ELAVL2: variants seen among roughly 807,000 people sequenced by gnomAD.
ELAVL2 encodes ELAV-like protein 2.
A neutral mutation model predicts 34.6 loss-of-function variants in ELAVL2; 4 were observed. That is an observed-to-expected ratio of 0.12 (90% CI 0.06 to 0.26). The LOEUF is 0.26. Ranked by LOEUF, ELAVL2 falls within the 10% of genes least tolerant of loss-of-function variation. The probability of loss-of-function intolerance (pLI) is 1.00; values close to 1 mark genes in which losing one functional copy is unlikely to be tolerated. For synonymous variants in ELAVL2, 193 were observed against 154.8 expected (o/e 1.25, Z -1.83); for missense variants, 432 against 442.8 (o/e 0.98, Z 0.22).
At chr9:23,828,429 C>G (rs2065396461), upstream of ELAVL2, among the ~76,000 whole-genome samples, 1 of 151,786 alleles carries the variant, frequency 6.6e-6, no homozygotes, top group African/African-American at 2.4e-5. Context: ...ATGTTTATAT[C>G]CACAAAAAAA....
chr9:23,738,947 T>C (rs2048512199), intron 2 of ELAVL2, among the ~76,000 whole-genome samples: 1 of 152,192 alleles, frequency 6.6e-6, no homozygotes, highest in Non-Finnish European at 1.5e-5. Context: ...CAATGCGGCA[T>C]GACCCTGCTT....
chr9:23,810,132 T>G (rs993407594), intron 1 of ELAVL2, among the ~76,000 whole-genome samples: 1 of 152,132 alleles, frequency 6.6e-6, no homozygotes, highest in Admixed American at 6.5e-5. Context: ...TTTTTCTTGA[T>G]TTTAACAGCA....
intron 2 of ELAVL2, chr9:23,735,548 G>C (rs2047678733): frequency 6.6e-6 from 1 of 152,186 alleles, no homozygotes; most frequent in Non-Finnish European, 1.5e-5. Flanking sequence ...CAATGTGCTG[G>C]GATTACAGGC....
intron 1 of ELAVL2, among the ~76,000 whole-genome samples, chr9:23,816,452 C>T (rs1389278123): frequency 6.6e-6 from 1 of 150,674 alleles, no homozygotes; most frequent in African/African-American, 2.4e-5. Flanking sequence ...AAATAATCTC[C>T]AATAATGAAC....
chr9:23,749,922 T>A (rs1019584861), intron 2 of ELAVL2, among the ~76,000 whole-genome samples: 2 of 151,746 alleles, frequency 1.3e-5, no homozygotes, highest in African/African-American at 4.8e-5. Flanking sequence ...TACGCAAAAT[T>A]ACCTAAGAGC....
rs949753742 is a variant in ELAVL2, at chr9:23,704,792, C to T, written c.487+126G>A. 3.1e-5 allele frequency: 38 copies of T among 1,218,892 alleles called. No individual in the cohort carries two copies. The South Asian group carries it at 5.4e-4, about 17-fold the overall frequency. The allele number at this position is 1,218,892 out of a possible 1,614,324, so 75.5% of individuals were successfully genotyped here. The stretch of plus-strand genomic sequence containing the variant: ...TATGAACAATTCCAGCAGAAAATTG[C>T]ATTTTCTGGCCCACATATACCTTTG... On this transcript the variant is annotated intron_variant, in intron 4 of 6. Transcript: ENST00000397312.
intron 1 of ELAVL2, among the ~76,000 whole-genome samples, chr9:23,769,485 T>C (rs2056922076): frequency 6.6e-6 from 1 of 152,214 alleles, no homozygotes; most frequent in Admixed American, 6.5e-5. Context: ...AGTGCTAAAA[T>C]CACAAGGCTA....
intron 3 of ELAVL2, among the ~76,000 whole-genome samples, chr9:23,725,543 T>TGGG (rs1266735419): frequency 6.6e-6 from 1 of 152,138 alleles, no homozygotes; most frequent in African/African-American, 2.4e-5. Context: ...TTCTTTACAG[T>TGGG]GGGGGCTGGT....
At chr9:23,703,752 G>T (rs974201940) in intron 4 of ELAVL2, among the ~76,000 whole-genome samples, 1 of 151,880 alleles carries the variant, frequency 6.6e-6, no homozygotes, top group African/African-American at 2.4e-5. Context: ...TACGGGTGGC[G>T]GGGAGAGAAA....
Position 23,705,001 on chromosome 9 carries a change from G to A in ELAVL2, c.404C>T (p.Thr135Ile). 6.2e-7 allele frequency: 1 copy of A among 1,614,120 alleles called. No individual in the cohort carries two copies. The highest frequency in any genetic ancestry group is 1.1e-5 in the South Asian group (1 of 91,084). Residue 135 changes from threonine to isoleucine, a missense_variant, in exon 4 of 7, where the codon ACA becomes ATA. Thr to Ile is a moderately conservative substitution (Grantham distance 89, BLOSUM62 -1). Coordinates refer to ENST00000397312, the MANE Select transcript of ELAVL2 (RefSeq NM_004432.5). ...CTGTTCCAACTCCTTCTGGGTCATT[G>A]TTTTTGGAAGTCCGCTGACATATAA... The part of the protein sequence containing the change: ...ANLYVSGLPK[T>I]MTQKELEQLF...
At chr9:23,729,256 C>T (rs2045971728) in intron 3 of ELAVL2, among the ~76,000 whole-genome samples, 2 of 152,116 alleles carry the variant, frequency 1.3e-5, no homozygotes, top group African/African-American at 4.8e-5. Context: ...TGGGACAAGC[C>T]ATCTTGACCA....
chr9:23,798,578 G>A lies in ELAVL2; in HGVS notation c.-16+27228C>T, dbSNP rs113896083. The stretch of plus-strand genomic sequence containing the variant: ...ATTATGCTGACACAACCACTTCTAT[G>A]CCATACCCTTTGACATCTGATAAAT... On this transcript the variant is annotated intron_variant, in intron 1 of 6. Coordinates refer to ENST00000397312, the MANE Select transcript of ELAVL2 (RefSeq NM_004432.5). Among the ~76,000 whole-genome samples the A allele has an allele frequency of 1.1e-4, 17 of 152,250 alleles. 1 individual carries two copies. Among genetic ancestry groups the A allele is most frequent in the African/African-American group, 4.1e-4 (17 of 41,558 alleles).
chr9:23,698,690 C>CA (rs112322376), intron 5 of ELAVL2, among the ~76,000 whole-genome samples: 44,645 of 151,854 alleles, frequency 0.29, 6,815 homozygotes, highest in South Asian at 0.46. Flanking sequence ...CAGAAAACAG[C>CA]AAAATACCAA....
chr9:23,800,896 C>A (rs973215097), intron 1 of ELAVL2, among the ~76,000 whole-genome samples: 5 of 152,076 alleles, frequency 3.3e-5, no homozygotes, highest in African/African-American at 1.2e-4. Flanking sequence ...AAACAGAAGC[C>A]ACAGGAAAAC....
chr9:23,824,018 A>G (rs1373463326), intron 1 of ELAVL2, among the ~76,000 whole-genome samples: 1 of 152,202 alleles, frequency 6.6e-6, no homozygotes, highest in African/African-American at 2.4e-5. Context: ...GAGAGGGGGA[A>G]GGGACAGAAT....
At chr9:23,779,558 A>C (rs1405469279) in intron 1 of ELAVL2, among the ~76,000 whole-genome samples, 1 of 152,114 alleles carries the variant, frequency 6.6e-6, no homozygotes, top group Non-Finnish European at 1.5e-5. Flanking sequence ...AAGGTTTCAA[A>C]ATACTGCAAC....
At chr9:23,698,602 C>A (rs183638571) in intron 5 of ELAVL2, among the ~76,000 whole-genome samples, 132 of 152,206 alleles carry the variant, frequency 8.7e-4, no homozygotes, top group African/African-American at 3.0e-3. Flanking sequence ...TGAAAGGTGA[C>A]AAAAACTCAA....
At chr9:23,795,861 A>T (rs927892436) in intron 1 of ELAVL2, among the ~76,000 whole-genome samples, 1 of 152,212 alleles carries the variant, frequency 6.6e-6, no homozygotes, top group Admixed American at 6.5e-5. Context: ...AATTTCTAAG[A>T]GCTAAACAAT....
chr9:23,693,298 T>C (rs889991927), intron 6 of ELAVL2, 150 bp downstream of exon 6: 19 of 941,620 alleles, frequency 2.0e-5, no homozygotes, highest in East Asian at 2.0e-4. Flanking sequence ...CTTGAGTCAA[T>C]TGTGCTTCAA....
Sources: gnomAD v4.1 joint callset for allele counts (sites outside exome capture counted in the v4.1 genomes callset) on GRCh38, gnomAD v4.1.1 for gene constraint, MANE v1.5 for transcripts, NCBI Gene and HGNC (gene_info 2026-07-23, HGNC 2026-07-21) for gene names.